RAPGEF2: variants seen among roughly 807,000 people sequenced by gnomAD.
The protein encoded by RAPGEF2 is PDZ domain containing guanine nucleotide exchange factor (GEF) 1.
RAPGEF2 carries 54 observed loss-of-function variants against 186.7 expected under a neutral mutation model. The observed-to-expected ratio is 0.29, with a 90% CI of 0.23 to 0.36. The LOEUF (loss-of-function observed/expected upper bound fraction) is 0.36, where lower values mean the gene tolerates loss of function less well. Among genes scored for constraint, RAPGEF2 ranks in the 10% least tolerant of loss-of-function variants. The pLI is 1.00. For synonymous variants in RAPGEF2, 712 were observed against 705.9 expected (o/e 1.01, Z -0.14); for missense variants, 1,532 against 2,045.0 (o/e 0.75, Z 4.84).
chr4:159,328,396 G>A (rs1465952213), intron 11 of RAPGEF2: 1 of 151,978 alleles, frequency 6.6e-6, no homozygotes, highest in African/African-American at 2.4e-5. Flanking sequence ...TATAATTAAA[G>A]TATGCATAAT....
chr4:159,347,978 C>G (rs9631759), intron 25 of RAPGEF2, among the ~76,000 whole-genome samples: 2,862 of 152,104 alleles, frequency 0.019, 83 homozygotes, highest in African/African-American at 0.064. Context: ...CCCAGCACTT[C>G]AGGAGGCTGA....
intron 4 of RAPGEF2, among the ~76,000 whole-genome samples, chr4:159,217,612 G>A (rs931609490): frequency 6.6e-5 from 10 of 152,238 alleles, no homozygotes; most frequent in African/African-American, 1.7e-4. Context: ...GTGCTGAGAT[G>A]AATGTGCAAG....
chr4:159,198,257 T>C lies in RAPGEF2; in HGVS notation c.197+5001T>C, dbSNP rs1561074233. ...TTTTCTTTCTTTCTTCCTTTCTTTC[T>C]TTCTCTTTCTTTCCTTCTTTCTTTC... On this transcript the variant is annotated intron_variant, in intron 3 of 29. Coordinates refer to ENST00000691494, the MANE Select transcript of RAPGEF2 (RefSeq NM_001394067.2). Among the ~76,000 whole-genome samples, 20 of 99,550 alleles carry C rather than the reference T, an allele frequency of 2.0e-4. 1 individual carries two copies. Among genetic ancestry groups the C allele is most frequent in the African/African-American group, 8.3e-4 (18 of 21,594 alleles). 65.3% of individuals were successfully genotyped at this position (99,550 alleles called of 152,430 possible).
chr4:159,332,623 T>C lies in RAPGEF2; in HGVS notation c.2061T>C (p.Thr687=). ...EKVNKKSKAN[T]VGGRNKLKKI... ...TGAACAAAAAAAGTAAAGCCAACACTGTGGGAGGAAGGAACAAGCTGAAAA... is the reference window on the plus strand; with the variant it reads ...TGAACAAAAAAAGTAAAGCCAACACCGTGGGAGGAAGGAACAAGCTGAAAA... Residue 687 remains threonine, a synonymous_variant, in exon 17 of 30, where the codon ACT becomes ACC. Transcript: ENST00000691494. The C allele has an allele frequency of 6.2e-7, 1 of 1,614,118 alleles. No homozygotes were observed. The highest frequency in any genetic ancestry group is 8.5e-7 in the Non-Finnish European group (1 of 1,180,002).
Position 159,358,329 on chromosome 4 carries a change from G to A in RAPGEF2, c.*190G>A. On this transcript the variant is annotated 3_prime_UTR_variant, in exon 30 of 30. Coordinates refer to ENST00000691494, the MANE Select transcript of RAPGEF2 (RefSeq NM_001394067.2). The stretch of plus-strand genomic sequence containing the variant: ...CCCTTTGCATGTGAAATACTGTGAA[G>A]AAATTGCCCTGGCACTTTTCAGACT... 1 of 575,290 alleles carries A rather than the reference G, an allele frequency of 1.7e-6. No homozygotes were observed. Among genetic ancestry groups the A allele is most frequent in the South Asian group, 2.6e-5 (1 of 38,724 alleles). The allele number at this position is 575,290 out of a possible 1,614,324, so 35.6% of individuals were successfully genotyped here. A position where few individuals can be genotyped will look rare whatever the true frequency, so the allele number is the denominator to read the frequency against.
At chr4:159,338,090 TAAAAACAAACAAAC>T (rs1767720456) in intron 17 of RAPGEF2, among the ~76,000 whole-genome samples, 2 of 151,614 alleles carry the variant, frequency 1.3e-5, no homozygotes, top group African/African-American at 4.9e-5. Flanking sequence ...ATGCTATATC[TAAAAACAAACAAAC>T]AAAAACAAAA....
intron 1 of RAPGEF2, among the ~76,000 whole-genome samples, chr4:159,120,096 T>G (rs1739494367): frequency 6.6e-6 from 1 of 152,224 alleles, no homozygotes; most frequent in Non-Finnish European, 1.5e-5. Context: ...CTCAGCTCAC[T>G]TCAGCCTCTG....
At position 159,331,756 on chromosome 4, in the gene RAPGEF2, A is replaced by C. The variant is rs768146320; in HGVS notation, c.1702A>C (p.Lys568Gln). 2 of 1,614,088 alleles carry C rather than the reference A, an allele frequency of 1.2e-6. No individual in the cohort carries two copies. The highest frequency in any genetic ancestry group is 1.7e-6 in the Non-Finnish European group (2 of 1,180,012). The change falls in exon 15 of 30, where the codon AAG becomes CAG. Residue 568 changes from lysine (K) to glutamine (Q), a missense_variant. Physicochemically the swap from Lys to Gln is moderately conservative, Grantham distance 53. Around this residue, in one of 4 missense-constraint regions of RAPGEF2, gnomAD observed 810 missense variants for 1,210.5 expected, o/e 0.67. Coordinates refer to ENST00000691494, the MANE Select transcript of RAPGEF2 (RefSeq NM_001394067.2). ...TTTTATCTTACTTGGAGGCTCTGAG[A>C]AGGGATTTGGAATCTTTGTTGACAG... ...LPFILLGGSE[K>Q]GFGIFVDSVD...
intron 11 of RAPGEF2, among the ~76,000 whole-genome samples, chr4:159,324,845 G>T (rs1215148969): frequency 6.6e-6 from 1 of 152,014 alleles, no homozygotes; most frequent in African/African-American, 2.4e-5. Context: ...AGATACTTTT[G>T]GTATTATTAG....
chr4:159,267,990 G>A (rs1161694954), intron 7 of RAPGEF2: 3 of 1,414,894 alleles, frequency 2.1e-6, no homozygotes, highest in Non-Finnish European at 2.8e-6. Flanking sequence ...CAAGTGTGAA[G>A]GGTTTTTAAG....
Position 159,332,715 on chromosome 4 carries a change from T to G in RAPGEF2, c.2135+18T>G. ...CCATACAAGTAAGCATCTGCATATG[T>G]CTTCTGTGCATTATTTTATTTTGTT... On this transcript the variant is annotated intron_variant, in intron 17 of 29. Coordinates refer to ENST00000691494, the MANE Select transcript of RAPGEF2 (RefSeq NM_001394067.2). 1.2e-6 allele frequency: 2 copies of G among 1,608,238 alleles called. No homozygotes were observed. The highest frequency in any genetic ancestry group is 2.2e-5 in the South Asian group (2 of 90,242).
intron 1 of RAPGEF2, among the ~76,000 whole-genome samples, chr4:159,148,017 A>G (rs1269923093): frequency 6.6e-6 from 1 of 152,226 alleles, no homozygotes; most frequent in African/African-American, 2.4e-5. Context: ...TCCTATTCAT[A>G]TTTAAAATTT....
chr4:159,162,052 A>G (rs1744769718), intron 1 of RAPGEF2, among the ~76,000 whole-genome samples: 4 of 152,194 alleles, frequency 2.6e-5, no homozygotes, highest in South Asian at 2.1e-4. Flanking sequence ...TTGTTCATTT[A>G]TATGTTGTCT....
rs773931331 is a variant in RAPGEF2 at position 159,323,430 on chromosome 4, T to C, written c.991-29T>C. On this transcript the variant is annotated intron_variant, in intron 10 of 29. Coordinates refer to ENST00000691494, the MANE Select transcript of RAPGEF2 (RefSeq NM_001394067.2). ...CAGCTGTATGATCATGATGTTACTT[T>C]CTGCTTTGTCTTTATTTTTTTGGAT... 1.9e-6 allele frequency: 3 copies of C among 1,547,830 alleles called. No homozygotes were observed. The South Asian group carries it at 3.7e-5, about 19-fold the overall frequency.
At position 159,103,563 on chromosome 4, in the gene RAPGEF2, G is replaced by A. The variant is rs1202683749; in HGVS notation, c.-600G>A. On this transcript the variant is annotated 5_prime_UTR_variant, in exon 1 of 30. Transcript: ENST00000691494. ...CGGGCTTCGCAGCGCCCGGACCTGA[G>A]CCAGACCCACCTGGTCCGTCCTCCC... 1.3e-5 allele frequency: 2 copies of A among 153,536 alleles called. No homozygotes were observed. Among genetic ancestry groups the A allele is most frequent in the Admixed American group, 1.3e-4 (2 of 15,274 alleles). The allele number at this position is 153,536 out of a possible 1,614,324, so 9.5% of individuals were successfully genotyped here.
At chr4:159,187,516 T>G (rs1747681448) in intron 2 of RAPGEF2, among the ~76,000 whole-genome samples, 1 of 152,198 alleles carries the variant, frequency 6.6e-6, no homozygotes, top group Admixed American at 6.5e-5. Flanking sequence ...GGTCCATTAT[T>G]TTAGTATGTT....
chr4:159,350,179 C>A lies in RAPGEF2; in HGVS notation c.3755C>A (p.Ser1252Tyr). The change falls in exon 26 of 30, where the codon TCT (serine) becomes TAT (tyrosine). Residue 1252 changes from serine (S) to tyrosine (Y), a missense_variant. By Grantham distance (144) the Ser-to-Tyr change is moderately radical. This residue lies in a region of RAPGEF2 where 594 missense variants were observed against 608.5 expected (regional missense o/e 0.98). Transcript: ENST00000691494. ...PQALKKILSL[S>Y]EEGSLERHKK... ...GCTTTAAAAAAAATTCTTTCTTTGT[C>A]TGAAGAAGGAAGTTTGGAACGTCAC... 6.3e-7 allele frequency: 1 copy of A among 1,575,052 alleles called. No homozygotes were observed. Among genetic ancestry groups the A allele is most frequent in the Non-Finnish European group, 8.6e-7 (1 of 1,160,508 alleles).
chr4:159,173,939 G>GT (rs1237314819), intron 1 of RAPGEF2, among the ~76,000 whole-genome samples: 1 of 152,164 alleles, frequency 6.6e-6, no homozygotes, highest in Non-Finnish European at 1.5e-5. Context: ...GATATCTTTT[G>GT]TTAAATGTAT....
chr4:159,145,081 A>G (rs184301058), intron 1 of RAPGEF2, among the ~76,000 whole-genome samples: 380 of 151,358 alleles, frequency 2.5e-3, no homozygotes, highest in African/African-American at 8.7e-3. Context: ...GGATTTCACC[A>G]TGTTGCCCAG....
Sources: allele counts gnomAD v4.1 joint callset (sites outside exome capture counted in the v4.1 genomes callset), GRCh38; gene constraint gnomAD v4.1.1; regional missense constraint gnomAD v4.1.1; transcripts MANE v1.5; gene names NCBI Gene and HGNC (gene_info 2026-07-23, HGNC 2026-07-21).